Variants in ADD3 observed in about 807,000 individuals in gnomAD.
ADD3 encodes the protein gamma-adducin.
ADD3 carries 25 observed loss-of-function variants against 80.2 expected under a neutral mutation model. The ratio of observed to expected loss-of-function variants is 0.31; its 90% CI spans 0.23 to 0.44. ADD3 has a LOEUF of 0.44. Among genes scored for constraint, ADD3 ranks in the 20% least tolerant of loss-of-function variants. ADD3 has a pLI of 1.00. For synonymous variants in ADD3, 284 were observed against 289.6 expected (o/e 0.98, Z 0.20); for missense variants, 829 against 847.5 (o/e 0.98, Z 0.27).
At chr10:110,077,855 G>T (rs1224976787) in intron 1 of ADD3, among the ~76,000 whole-genome samples, 1 of 151,946 alleles carries the variant, frequency 6.6e-6, no homozygotes. Context: ...AAATGCCTTT[G>T]GAGTGTTTAA....
intron 8 of ADD3, among the ~76,000 whole-genome samples, chr10:110,121,489 A>G (rs1851491940): frequency 6.6e-6 from 1 of 152,116 alleles, no homozygotes; most frequent in African/African-American, 2.4e-5. Flanking sequence ...GTCCTCAATA[A>G]ATAAATAAAT....
At chr10:110,057,282 C>A (rs948922461) in intron 1 of ADD3, among the ~76,000 whole-genome samples, 2 of 152,034 alleles carry the variant, frequency 1.3e-5, no homozygotes, top group Non-Finnish European at 2.9e-5. Flanking sequence ...GTAATTTTTC[C>A]TAGTAGTTCT....
In ADD3 at chr10:110,060,236, G is replaced by A. The variant is rs200922728; in HGVS notation, c.-29-40389G>A. On this transcript the variant is annotated intron_variant, in intron 1 of 14. Transcript: ENST00000356080. ...ACTTGCTTTCCCTCCTGTTCATTTC[G>A]TTTTTCTAATTTCCTAATATATTAA... Among the ~76,000 whole-genome samples, 30 of 152,240 alleles carry A rather than the reference G, an allele frequency of 2.0e-4. No homozygotes were observed. In the East Asian group the frequency reaches 5.2e-3, roughly 26 times the overall value.
chr10:110,075,243 C>T (rs1007528964), intron 1 of ADD3, among the ~76,000 whole-genome samples: 9 of 152,042 alleles, frequency 5.9e-5, no homozygotes, highest in Non-Finnish European at 1.0e-4. Context: ...ATATCATTGG[C>T]AGATTTTCTC....
upstream of ADD3, among the ~76,000 whole-genome samples, chr10:110,007,070 G>T (rs779111802): frequency 6.6e-6 from 1 of 152,188 alleles, no homozygotes; most frequent in Admixed American, 6.5e-5. Context: ...CTGGGCGAGG[G>T]GGGTGGGAGG....
chr10:110,114,651 C>T (rs899148046), intron 3 of ADD3, among the ~76,000 whole-genome samples: 1 of 151,940 alleles, frequency 6.6e-6, no homozygotes, highest in Admixed American at 6.6e-5. Flanking sequence ...GAGTTTGAGC[C>T]TATAGGAATG....
Position 110,100,823 on chromosome 10 carries a change from G to C in ADD3, c.170G>C (p.Arg57Pro). The change falls in exon 2 of 15, where the codon CGA becomes CCA. Residue 57 changes from arginine to proline, a missense_variant. Physicochemically the swap from Arg to Pro is moderately radical, Grantham distance 103. Coordinates refer to ENST00000356080, the MANE Select transcript of ADD3 (RefSeq NM_016824.5). ...TTCAACATGATGGAGCAGAGGAAAC[G>C]AGTTACTCAGATCCTGCAAAGTCCT... ...QDFNMMEQRK[R>P]VTQILQSPAF... 1 of 1,608,972 alleles carries C rather than the reference G, an allele frequency of 6.2e-7. No individual in the cohort carries two copies. The highest frequency in any genetic ancestry group is 8.5e-7 in the Non-Finnish European group (1 of 1,177,980).
At chr10:110,126,050 G>A in intron 11 of ADD3, 105 bp downstream of exon 11, 2 of 1,155,806 alleles carry the variant, frequency 1.7e-6, no homozygotes, top group East Asian at 2.4e-5. Context: ...TTTGAATACA[G>A]AAGAATTTGG....
At chr10:109,997,083 A>G (rs1375452895) in intron 1 of ADD3, among the ~76,000 whole-genome samples, 1 of 152,270 alleles carries the variant, frequency 6.6e-6, no homozygotes, top group Non-Finnish European at 1.5e-5. Flanking sequence ...AATAAGGCAC[A>G]GAGCTCACAG....
intron 1 of ADD3, among the ~76,000 whole-genome samples, chr10:110,008,759 T>A (rs1371456859): frequency 6.6e-6 from 1 of 152,136 alleles, no homozygotes; most frequent in Non-Finnish European, 1.5e-5. Flanking sequence ...TGGTTTTAGT[T>A]GTTTTTCTCC....
At chr10:110,126,695 T>C (rs888978750) in intron 12 of ADD3, among the ~76,000 whole-genome samples, 192 bp downstream of exon 12, 1 of 152,214 alleles carries the variant, frequency 6.6e-6, no homozygotes, top group Non-Finnish European at 1.5e-5. Flanking sequence ...TCATTGCTTC[T>C]AATGTTTACT....
chr10:110,107,814 A>T (rs1365762820), intron 2 of ADD3, among the ~76,000 whole-genome samples: 1 of 152,172 alleles, frequency 6.6e-6, no homozygotes, highest in African/African-American at 2.4e-5. Context: ...TGGAAATTAT[A>T]TATTTATTGC....
chr10:110,045,665 A>C (rs907488799), intron 1 of ADD3, among the ~76,000 whole-genome samples: 2 of 152,244 alleles, frequency 1.3e-5, no homozygotes, highest in Non-Finnish European at 2.9e-5. Flanking sequence ...ATCTACTTCT[A>C]TCATTTACCA....
At chr10:109,999,187 A>C (rs1461690261) in intron 1 of ADD3, among the ~76,000 whole-genome samples, 2 of 152,046 alleles carry the variant, frequency 1.3e-5, no homozygotes, top group African/African-American at 2.4e-5. Flanking sequence ...TACATTCTAA[A>C]TTTGCCCTAC....
chr10:110,036,100 G>A (rs926837140), intron 1 of ADD3, among the ~76,000 whole-genome samples: 2 of 152,130 alleles, frequency 1.3e-5, no homozygotes, highest in East Asian at 1.9e-4. Flanking sequence ...ACAGTGAGCC[G>A]AGGTCATGCC....
At chr10:110,008,714 G>T (rs1851957564) in intron 1 of ADD3, among the ~76,000 whole-genome samples, 4 of 152,328 alleles carry the variant, frequency 2.6e-5, no homozygotes, top group Admixed American at 2.0e-4. Context: ...AGAGGTTCCT[G>T]CGCTTAGAAA....
At chr10:110,124,389 T>C (rs1046067848) in intron 10 of ADD3, 115 bp downstream of exon 10, 16 of 1,250,416 alleles carry the variant, frequency 1.3e-5, no homozygotes, top group Middle Eastern at 2.5e-4. Flanking sequence ...AAAATATTAC[T>C]GTCACTTATC....
At chr10:110,116,560 T>G in intron 4 of ADD3, 150 bp downstream of exon 4, 1 of 747,460 alleles carries the variant, frequency 1.3e-6, no homozygotes, top group Non-Finnish European at 2.1e-6. Flanking sequence ...TTAAACCTTA[T>G]ACCCAAGGGA....
At chr10:110,117,588 G>T (rs1312481663) in intron 5 of ADD3, among the ~76,000 whole-genome samples, 166 bp downstream of exon 5, 1 of 151,938 alleles carries the variant, frequency 6.6e-6, no homozygotes, top group East Asian at 1.9e-4. Context: ...AAGCTTTAGA[G>T]AATAGCGTAA....
Sources: gnomAD v4.1 joint callset for allele counts (sites outside exome capture counted in the v4.1 genomes callset) on GRCh38, gnomAD v4.1.1 for gene constraint, MANE v1.5 for transcripts, NCBI Gene and HGNC (gene_info 2026-07-23, HGNC 2026-07-21) for gene names.